XRCC5: variants seen among roughly 807,000 people sequenced by gnomAD.
XRCC5 encodes the protein DNA repair protein Ku80.
A neutral mutation model predicts 95.7 loss-of-function variants in XRCC5; 12 were observed. The observed-to-expected ratio is 0.13, with a 90% CI of 0.08 to 0.20. The LOEUF (loss-of-function observed/expected upper bound fraction) is 0.20, where lower values mean the gene tolerates loss of function less well. XRCC5 is among the 10% of genes least tolerant of loss of function. The pLI, the probability that XRCC5 is intolerant of heterozygous loss-of-function variation, is 1.00. For missense variants in XRCC5, 595 were observed against 873.9 expected, an observed-to-expected ratio of 0.68 and a Z score of 4.02; for synonymous variants, 281 against 290.3, an observed-to-expected ratio of 0.97 and a Z score of 0.33.
At chr2:216,127,397 A>T in intron 7 of XRCC5, 139 bp from the exon 8 acceptor site, 2 of 887,522 alleles carry the variant, frequency 2.3e-6, no homozygotes, top group Non-Finnish European at 3.2e-6. Flanking sequence ...TTTTCATAAT[A>T]GGCATGAGCA....
intron 1 of XRCC5, among the ~76,000 whole-genome samples, chr2:216,109,748 C>G (rs1384274152): frequency 1.3e-5 from 2 of 151,578 alleles, no homozygotes; most frequent in Admixed American, 1.3e-4. Context: ...TGCCTCCCCA[C>G]CCGCCTCCCC....
At chr2:216,204,533 C>T (rs1177531341) in intron 20 of XRCC5, 137 bp downstream of exon 20, 7 of 818,998 alleles carry the variant, frequency 8.5e-6, no homozygotes, top group Admixed American at 2.5e-5. Context: ...CTTCCTACAC[C>T]ATTATATATT....
chr2:216,181,765 G>A (rs903154185), intron 16 of XRCC5, among the ~76,000 whole-genome samples: 1 of 152,150 alleles, frequency 6.6e-6, no homozygotes, highest in Non-Finnish European at 1.5e-5. Context: ...ATAAGAATTT[G>A]AATTTTTGAA....
intron 14 of XRCC5, chr2:216,156,360 TG>T: frequency 1.4e-6 from 1 of 706,802 alleles, no homozygotes; most frequent in Non-Finnish European, 2.7e-6. Context: ...CTTCTGCTGT[TG>T]TGGGGTCTTT....
chr2:216,175,286 CT>C (rs1253622178), intron 16 of XRCC5: 1 of 441,734 alleles, frequency 2.3e-6, no homozygotes, highest in East Asian at 5.7e-5. Context: ...ACCACCTCTA[CT>C]TCTACCACCA....
At chr2:216,192,153 C>T (rs186504329) in intron 17 of XRCC5, among the ~76,000 whole-genome samples, 498 of 152,216 alleles carry the variant, frequency 3.3e-3, no homozygotes, top group Middle Eastern at 6.8e-3. Context: ...CGCCTGCCAC[C>T]GCATCCAGCT....
Position 216,117,759 on chromosome 2 carries a change from A to G in XRCC5, c.333A>G (p.Leu111=), listed in dbSNP as rs771663036. 8 of 1,614,052 alleles carry G rather than the reference A, an allele frequency of 5.0e-6. No individual in the cohort carries two copies. The highest frequency in any genetic ancestry group is 1.3e-5 in the African/African-American group (1 of 74,940). ...TAACTAGCTGAGTCCTGGATGCACT[A>G]ATCGTGAGCATGGATGTGATTCAAC... ...GSQQADFLDA[L]IVSMDVIQHE... Residue 111 remains leucine (L), a synonymous_variant, in exon 4 of 21, where the codon CTA becomes CTG. Coordinates refer to ENST00000392132, the MANE Select transcript of XRCC5 (RefSeq NM_021141.4).
At chr2:216,117,987 A>G (rs1559237136) in intron 4 of XRCC5, among the ~76,000 whole-genome samples, 193 bp downstream of exon 4, 2 of 152,134 alleles carry the variant, frequency 1.3e-5, no homozygotes, top group Non-Finnish European at 2.9e-5. Context: ...GAAGGGCTGT[A>G]CTCGGTGATT....
intron 19 of XRCC5, among the ~76,000 whole-genome samples, chr2:216,195,390 C>CTTTTCTTTTCTTTTCTTTTT (rs1169539124): frequency 7.9e-6 from 1 of 126,290 alleles, no homozygotes; most frequent in Non-Finnish European, 1.7e-5. Flanking sequence ...CTTTTCTTTT[C>CTTTTCTTTTCTTTTCTTTTT]TCTTTCTTTT....
At chr2:216,121,602 A>G (rs1211340131) in intron 5 of XRCC5, among the ~76,000 whole-genome samples, 1 of 152,180 alleles carries the variant, frequency 6.6e-6, no homozygotes, top group Non-Finnish European at 1.5e-5. Flanking sequence ...CCCCACCCTC[A>G]GGACTTCATT....
At chr2:216,115,061 C>T (rs570715645) in intron 2 of XRCC5, among the ~76,000 whole-genome samples, 1 of 152,306 alleles carries the variant, frequency 6.6e-6, no homozygotes, top group East Asian at 1.9e-4. Flanking sequence ...TGATTTTTCA[C>T]GTGGCCCTCT....
At chr2:216,148,302 A>C in intron 14 of XRCC5, 26 bp downstream of exon 14, 1 of 1,590,228 alleles carries the variant, frequency 6.3e-7, no homozygotes, top group Non-Finnish European at 8.5e-7. Flanking sequence ...AGTTGCATTT[A>C]ACATTGGGGT....
intron 10 of XRCC5, 75 bp downstream of exon 10, chr2:216,132,462 C>A: frequency 2.1e-6 from 3 of 1,437,068 alleles, no homozygotes; most frequent in Non-Finnish European, 2.0e-6. Context: ...TTGTTTGGGG[C>A]TTTTATAGTT....
Position 216,119,163 on chromosome 2 carries a change from C to G in XRCC5, c.489C>G (p.Phe163Leu). 1 of 1,613,910 alleles carries G rather than the reference C, an allele frequency of 6.2e-7. No individual in the cohort carries two copies. Among genetic ancestry groups the G allele is most frequent in the Non-Finnish European group, 8.5e-7 (1 of 1,179,882 alleles). The stretch of plus-strand genomic sequence containing the variant: ...AGAAATGTGACATCTCCCTGCAATT[C>G]TTGTAAGATCCTAAGAATAATGCAT... ...SLKKCDISLQ[F>L]FLPFSLGKED... The change falls in exon 5 of 21, where the codon TTC becomes TTG. Residue 163 changes from phenylalanine to leucine, a missense_variant and splice_region_variant. Transcript: ENST00000392132.
chr2:216,129,539 A>G (rs548747925), intron 8 of XRCC5, among the ~76,000 whole-genome samples: 4 of 152,230 alleles, frequency 2.6e-5, no homozygotes, highest in Non-Finnish European at 5.9e-5. Flanking sequence ...TAAGATGATG[A>G]CTGATGACAG....
chr2:216,204,278 G>A (rs770265034), intron 19 of XRCC5, 44 bp from the exon 20 acceptor site: 3 of 1,610,808 alleles, frequency 1.9e-6, no homozygotes, highest in East Asian at 4.5e-5. Flanking sequence ...TTTCAAAGGG[G>A]CAAAAATATC....
At chr2:216,126,108 A>G in intron 7 of XRCC5, 77 bp downstream of exon 7, 1 of 1,157,756 alleles carries the variant, frequency 8.6e-7, no homozygotes. Flanking sequence ...CAGACAATTC[A>G]TGTGTGTGTT....
chr2:216,115,004 G>C (rs531128051), intron 2 of XRCC5, among the ~76,000 whole-genome samples: 70 of 150,606 alleles, frequency 4.6e-4, no homozygotes, highest in African/African-American at 1.8e-3. Context: ...CCGGTGGTTG[G>C]GGGGCGGGGC....
chr2:216,146,997 A>G (rs910021068), intron 13 of XRCC5, among the ~76,000 whole-genome samples: 1 of 152,206 alleles, frequency 6.6e-6, no homozygotes, highest in Non-Finnish European at 1.5e-5. Flanking sequence ...ATAATAAACA[A>G]GTAAACTAAA....
Sources: gnomAD v4.1 joint callset for allele counts (sites outside exome capture counted in the v4.1 genomes callset) on GRCh38, gnomAD v4.1.1 for gene constraint, MANE v1.5 for transcripts, NCBI Gene and HGNC (gene_info 2026-07-23, HGNC 2026-07-21) for gene names.